Variants in PHF14 observed in about 807,000 individuals in gnomAD.
PHF14 encodes PHD finger protein 14.
In PHF14, 55 loss-of-function variants were observed where a neutral mutation model predicts 117.9. The ratio of observed to expected loss-of-function variants is 0.47; its 90% CI spans 0.38 to 0.58. The LOEUF is 0.58. Ranked by LOEUF, PHF14 falls within the 20% of genes least tolerant of loss-of-function variation. The probability of loss-of-function intolerance (pLI) is 0.00; values close to 1 mark genes in which losing one functional copy is unlikely to be tolerated. For synonymous variants in PHF14, 409 were observed against 368.6 expected, an observed-to-expected ratio of 1.11 and a Z score of -1.26; for missense variants, 978 against 1,122.2, an observed-to-expected ratio of 0.87 and a Z score of 1.84.
intron 13 of PHF14, among the ~76,000 whole-genome samples, chr7:11,048,562 ACT>A (rs767014613): frequency 1.4e-4 from 21 of 152,148 alleles, no homozygotes; most frequent in Admixed American, 6.5e-4. Flanking sequence ...ATAGTGCAAG[ACT>A]CTGTCTGAAA....
chr7:11,072,329 C>T (rs1186641524), intron 16 of PHF14, among the ~76,000 whole-genome samples: 1 of 152,128 alleles, frequency 6.6e-6, no homozygotes, highest in Admixed American at 6.6e-5. Context: ...TGGTATAAAC[C>T]ATTCATGAGA....
Position 11,036,623 on chromosome 7 carries a change from G to C in PHF14, c.1808G>C (p.Ser603Thr). ...GTGGACAATTCAGATACTAGTTCTA[G>C]TGTGGATGGAAGGAGAAAACATAAG... ...FPVDNSDTSSSVDGRRKHKQP... is the reference protein window; with the variant it reads ...FPVDNSDTSSTVDGRRKHKQP... The change falls in exon 9 of 18, where the codon AGT becomes ACT. Residue 603 changes from serine to threonine, a missense_variant. This residue lies in a region of PHF14 where 237 missense variants were observed against 276.4 expected (regional missense o/e 0.86). Coordinates refer to ENST00000634607, the MANE Select transcript of PHF14 (RefSeq NM_001007157.2). 4 of 1,613,858 alleles carry C rather than the reference G, an allele frequency of 2.5e-6. No homozygotes were observed. Among genetic ancestry groups the C allele is most frequent in the Non-Finnish European group, 3.4e-6 (4 of 1,179,744 alleles).
chr7:11,112,398 AG>A (rs1386858478), intron 17 of PHF14, among the ~76,000 whole-genome samples: 1 of 152,214 alleles, frequency 6.6e-6, no homozygotes, highest in Non-Finnish European at 1.5e-5. Flanking sequence ...CTTCTGCAAA[AG>A]TTTATTTATT....
intron 7 of PHF14, among the ~76,000 whole-genome samples, chr7:11,034,539 A>T (rs1411244597): frequency 3.0e-3 from 188 of 62,980 alleles, no homozygotes; most frequent in Middle Eastern, 0.02. Flanking sequence ...TCTTAATTCT[A>T]TTTTTTTTTT....
In PHF14 at chr7:11,051,762, G is replaced by T; in HGVS notation, c.2463G>T (p.Lys821Asn). ...VPQDVPPEPK[K>N]IPIRNTRTRG... ...AGGATGTGCCACCAGAACCCAAGAA[G>T]ATTCCGATAAGAAACACGGTAGTTT... Residue 821 changes from lysine (K) to asparagine (N), a missense_variant, in exon 14 of 18, where the codon AAG becomes AAT. By Grantham distance (94) the Lys-to-Asn change is moderately conservative. Transcript: ENST00000634607. 2 of 1,613,266 alleles carry T rather than the reference G, an allele frequency of 1.2e-6. No homozygotes were observed. The highest frequency in any genetic ancestry group is 2.2e-5 in the South Asian group (2 of 90,968).
At chr7:10,993,381 A>G (rs1414711860) in intron 4 of PHF14, among the ~76,000 whole-genome samples, 1 of 152,132 alleles carries the variant, frequency 6.6e-6, no homozygotes, top group Non-Finnish European at 1.5e-5. Flanking sequence ...TTCTCTAGCT[A>G]ATGCTCTGAT....
At position 11,073,358 on chromosome 7, in the gene PHF14, C is replaced by A. The variant is rs1226448929; in HGVS notation, c.2654+11273C>A. Among the ~76,000 whole-genome samples the A allele has an allele frequency of 2.0e-5, 3 of 152,300 alleles. No homozygotes were observed. The South Asian group carries it at 6.2e-4, about 32-fold the overall frequency. On this transcript the variant is annotated intron_variant, in intron 16 of 17. Coordinates refer to ENST00000634607, the MANE Select transcript of PHF14 (RefSeq NM_001007157.2). The stretch of plus-strand genomic sequence containing the variant: ...TTAACCAAAAGAAACAGGCAGTAGG[C>A]CCCCACATATTTCTAAAACCCAGCC...
At chr7:11,090,851 G>A (rs1412953885) in intron 16 of PHF14, among the ~76,000 whole-genome samples, 1 of 152,206 alleles carries the variant, frequency 6.6e-6, no homozygotes, top group Non-Finnish European at 1.5e-5. Flanking sequence ...AAACCAAGGT[G>A]ACAGGTGAAT....
At position 11,037,010 on chromosome 7, in the gene PHF14, T is replaced by G; in HGVS notation, c.1899T>G (p.Ile633Met). Residue 633 changes from isoleucine (I) to methionine (M), a missense_variant, in exon 10 of 18, where the codon ATT (isoleucine) becomes ATG (methionine). Physicochemically the swap from Ile to Met is conservative, Grantham distance 10. This residue lies in a region of PHF14 where 237 missense variants were observed against 276.4 expected (regional missense o/e 0.86). Transcript: ENST00000634607. Reference protein sequence around the residue: ...YFERNMRMIQIQENMAEQKNI... With the variant: ...YFERNMRMIQMQENMAEQKNI... ...AGAGAAATATGCGCATGATTCAAAT[T>G]CAGGAAAATATGGCTGAACAAAAGA... 1 of 1,516,272 alleles carries G rather than the reference T, an allele frequency of 6.6e-7. No homozygotes were observed. The highest frequency in any genetic ancestry group is 9.0e-7 in the Non-Finnish European group (1 of 1,110,342). The allele number at this position is 1,516,272 out of a possible 1,614,324, so 93.9% of individuals were successfully genotyped here.
intron 3 of PHF14, among the ~76,000 whole-genome samples, chr7:10,988,874 G>C (rs777954816): frequency 1.3e-5 from 2 of 152,006 alleles, no homozygotes; most frequent in Non-Finnish European, 2.9e-5. Flanking sequence ...TTACAGCTTC[G>C]AGGTTCAGTA....
Position 11,036,990 on chromosome 7 carries a change from A to C in PHF14, c.1879A>C (p.Asn627His), listed in dbSNP as rs1260769194. ...TCGATATTTCATTTAAATAGAGAGA[A>C]ATATGCGCATGATTCAAATTCAGGA... ...ADFVNYYFERNMRMIQIQENM... is the reference protein window; with the variant it reads ...ADFVNYYFERHMRMIQIQENM... The change falls in exon 10 of 18, where the codon AAT (asparagine) becomes CAT (histidine). Residue 627 changes from asparagine to histidine, a missense_variant. By Grantham distance (68) the Asn-to-His change is moderately conservative. Around this residue, in one of 7 missense-constraint regions of PHF14, gnomAD observed 237 missense variants for 276.4 expected, o/e 0.86. Coordinates refer to ENST00000634607, the MANE Select transcript of PHF14 (RefSeq NM_001007157.2). 3.3e-6 allele frequency: 5 copies of C among 1,494,618 alleles called. No homozygotes were observed. Among genetic ancestry groups the C allele is most frequent in the Non-Finnish European group, 4.6e-6 (5 of 1,098,710 alleles). The allele number at this position is 1,494,618 out of a possible 1,614,324, so 92.6% of individuals were successfully genotyped here. A position where few individuals can be genotyped will look rare whatever the true frequency, so the allele number is the denominator to read the frequency against.
At chr7:11,127,432 C>G (rs1381289648) in intron 17 of PHF14, among the ~76,000 whole-genome samples, 2 of 152,170 alleles carry the variant, frequency 1.3e-5, no homozygotes, top group East Asian at 3.9e-4. Flanking sequence ...GAGTCTTGCT[C>G]TTTAACGGGC....
intron 4 of PHF14, among the ~76,000 whole-genome samples, chr7:10,996,669 G>A (rs1782660515): frequency 6.6e-6 from 1 of 152,134 alleles, no homozygotes; most frequent in Non-Finnish European, 1.5e-5. Flanking sequence ...AGAAGCAAGG[G>A]GAAAGATAGA....
At chr7:10,990,870 C>G (rs772546819) in intron 4 of PHF14, 23 bp downstream of exon 4, 2 of 1,520,326 alleles carry the variant, frequency 1.3e-6, no homozygotes, top group Non-Finnish European at 1.8e-6. Context: ...TCTTTTCTCT[C>G]TTTTTAGAAA....
chr7:11,036,733 T>C, intron 9 of PHF14, 45 bp downstream of exon 9: 1 of 1,542,338 alleles, frequency 6.5e-7, no homozygotes, highest in Non-Finnish European at 8.9e-7. Flanking sequence ...TGAGAACAAT[T>C]TGTTAATGAA....
intron 17 of PHF14, among the ~76,000 whole-genome samples, chr7:11,123,748 C>A (rs1787841272): frequency 6.6e-6 from 1 of 152,022 alleles, no homozygotes; most frequent in Admixed American, 6.6e-5. Flanking sequence ...CCACTACACT[C>A]CAGCCTGGGT....
intron 7 of PHF14, among the ~76,000 whole-genome samples, chr7:11,032,051 CAA>C (rs1784138567): frequency 6.6e-6 from 1 of 151,912 alleles, no homozygotes; most frequent in South Asian, 2.1e-4. Flanking sequence ...AGGCTGGCCT[CAA>C]GAGGATTTTG....
chr7:11,035,495 T>C, intron 7 of PHF14, 145 bp from the exon 8 acceptor site: 3 of 434,786 alleles, frequency 6.9e-6, no homozygotes, highest in Non-Finnish European at 1.2e-5. Context: ...TTTGTCATTA[T>C]GTACAAAAAT....
intron 17 of PHF14, among the ~76,000 whole-genome samples, chr7:11,135,354 A>G (rs1788189841): frequency 1.3e-5 from 2 of 152,122 alleles, no homozygotes; most frequent in Non-Finnish European, 2.9e-5. Context: ...TCAGCTGCAC[A>G]TGTCCACAGG....
Sources: gnomAD v4.1 joint callset for allele counts (sites outside exome capture counted in the v4.1 genomes callset) on GRCh38, gnomAD v4.1.1 for gene constraint, gnomAD v4.1.1 regional missense constraint, MANE v1.5 for transcripts, NCBI Gene and HGNC (gene_info 2026-07-23, HGNC 2026-07-21) for gene names.